The following BCORL1 variants were observed in gnomAD, a reference collection of about 807,000 sequenced individuals.
The protein encoded by BCORL1 is BCL-6 corepressor-like protein 1.
A neutral mutation model predicts 87.6 loss-of-function variants in BCORL1; 7 were observed. The observed-to-expected ratio is 0.08, with a 90% CI of 0.05 to 0.15. BCORL1 has a LOEUF of 0.15. Among genes scored for constraint, BCORL1 ranks in the 10% least tolerant of loss-of-function variants. The pLI is 1.00. For missense variants in BCORL1, 1,215 were observed against 1,499.7 expected (o/e 0.81, Z 3.13); for synonymous variants, 591 against 634.4 (o/e 0.93, Z 1.03).
intron 1 of BCORL1, among the ~76,000 whole-genome samples, chrX:129,989,442 G>A (rs1419816743): frequency 2.2e-5 from 1 of 46,043 alleles, no homozygotes; most frequent in East Asian, 6.4e-4. Flanking sequence ...CACCGCACCC[G>A]TCTTTTTTTT....
chrX:129,983,953 G>C (rs1308430855), intron 1 of BCORL1, among the ~76,000 whole-genome samples: 5 of 109,663 alleles, frequency 4.6e-5, no homozygotes, highest in African/African-American at 1.7e-4. Context: ...AGGAGGGAGA[G>C]GGATGGCCGC....
chrX:130,018,447 C>T (rs934798168), intron 4 of BCORL1, among the ~76,000 whole-genome samples: 2 of 112,233 alleles, frequency 1.8e-5, no homozygotes, highest in African/African-American at 3.2e-5. Context: ...GAATTTTACA[C>T]TTAAGTGAAT....
chrX:129,993,775 T>C (rs775520803), intron 1 of BCORL1, among the ~76,000 whole-genome samples: 48 of 112,271 alleles, frequency 4.3e-4, no homozygotes, highest in Non-Finnish European at 3.9e-4. Context: ...GTCCTTTTTT[T>C]TATTTTTTAA....
Position 130,013,141 on chromosome X carries a change from G to A in BCORL1, c.369G>A (p.Lys123=). 8.3e-7 allele frequency: 1 copy of A among 1,211,129 alleles called. No individual in the cohort carries two copies. Residue 123 remains lysine, a synonymous_variant, in exon 4 of 14, where the codon AAG becomes AAA. Transcript: ENST00000540052. ...TGAGCAGCCCAGGAGACGGGCTCAA[G>A]CTTCCCGCATCTGACAGCGCCGAGG... is the stretch of plus-strand genomic sequence containing the variant. The part of the protein sequence containing the change: ...VPLSSPGDGL[K]LPASDSAEAS...
At chrX:129,993,171 A>T (rs1160891928) in intron 1 of BCORL1, among the ~76,000 whole-genome samples, 1 of 112,123 alleles carries the variant, frequency 8.9e-6, no homozygotes, top group Non-Finnish European at 1.9e-5. Flanking sequence ...GAAAGGACTG[A>T]TTAATTTCAC....
chrX:130,050,719 C>A lies in BCORL1; in HGVS notation c.4843C>A (p.His1615Asn). 1 of 1,210,564 alleles carries A rather than the reference C, an allele frequency of 8.3e-7. No individual in the cohort carries two copies. The highest frequency in any genetic ancestry group is 1.1e-6 in the Non-Finnish European group (1 of 894,404). The change falls in exon 12 of 14, where the codon CAC (histidine) becomes AAC (asparagine). Residue 1615 changes from histidine (H) to asparagine (N), a missense_variant and splice_region_variant. By Grantham distance (68) the His-to-Asn change is moderately conservative. Coordinates refer to ENST00000540052, the MANE Select transcript of BCORL1 (RefSeq NM_001379451.1). ...SDTMKRFLSDHLSDLQGRAEG... is the reference protein window; with the variant it reads ...SDTMKRFLSDNLSDLQGRAEG... ...ACTGCCTGCTCTTCTTTCATCAGAT[C>A]ACCTCTCGGATCTTCAGGGCCGGGC...
chrX:130,052,139 G>A, intron 13 of BCORL1, 123 bp downstream of exon 13: 2 of 736,067 alleles, frequency 2.7e-6, no homozygotes, highest in South Asian at 6.8e-5. Context: ...ACAAAGGCTA[G>A]CCTGCCCTTT....
intron 8 of BCORL1, 63 bp from the exon 9 acceptor site, chrX:130,034,392 A>T: frequency 2.4e-6 from 2 of 844,128 alleles, no homozygotes; most frequent in Non-Finnish European, 3.2e-6. Flanking sequence ...GGCAGTGATG[A>T]CCCTGGTGGA....
chrX:130,032,102 A>G (rs190347278), intron 8 of BCORL1, among the ~76,000 whole-genome samples: 184 of 112,098 alleles, frequency 1.6e-3, no homozygotes, highest in African/African-American at 5.6e-3. Context: ...CTAGTTATCT[A>G]TTGGGGTATA....
intron 11 of BCORL1, among the ~76,000 whole-genome samples, chrX:130,042,470 A>C: frequency 9.0e-6 from 1 of 111,475 alleles, no homozygotes; most frequent in East Asian, 2.8e-4. Flanking sequence ...ATGGGTTGCT[A>C]TAAAGTGCAC....
Position 130,043,769 on chromosome X carries a change from TATATATATATATATA to T in BCORL1, c.4840+4488_4840+4502del, listed in dbSNP as rs1177237307. On this transcript the variant is annotated intron_variant, in intron 11 of 13. Coordinates refer to ENST00000540052, the MANE Select transcript of BCORL1 (RefSeq NM_001379451.1). ...TGTTATATATATATATATATATATA[TATATATATATATATA>T]TTTTTTTTTTTTTTTTTTTTTGAGA... Among the ~76,000 whole-genome samples, 27 of 19,636 alleles carry T rather than the reference TATATATATATATATA, an allele frequency of 1.4e-3. 3 individuals are homozygous for T. The highest frequency in any genetic ancestry group is 3.4e-3 in the East Asian group (3 of 891). The allele number at this position is 19,636 out of a possible 115,157, so 17.1% of individuals were successfully genotyped here.
chrX:130,005,416 G>A (rs1380005129), intron 2 of BCORL1, 99 bp downstream of exon 2: 1 of 778,283 alleles, frequency 1.3e-6, no homozygotes, highest in Non-Finnish European at 1.9e-6. Flanking sequence ...GAGGGACCCT[G>A]GGGAGGAGAA....
At chrX:130,010,864 G>A (rs1260021325) in intron 2 of BCORL1, among the ~76,000 whole-genome samples, 1 of 108,238 alleles carries the variant, frequency 9.2e-6, no homozygotes, top group Non-Finnish European at 1.9e-5. Context: ...CAGGCGTGGT[G>A]GAGCATGCCT....
chrX:129,999,014 T>G (rs1927783684), intron 1 of BCORL1, among the ~76,000 whole-genome samples: 1 of 110,215 alleles, frequency 9.1e-6, no homozygotes, highest in African/African-American at 3.3e-5. Flanking sequence ...ACATGTGTAT[T>G]ATATAGTAAT....
intron 1 of BCORL1, among the ~76,000 whole-genome samples, chrX:129,984,123 G>T (rs1173758577): frequency 2.0e-5 from 1 of 50,306 alleles, no homozygotes; most frequent in Non-Finnish European, 3.6e-5. Flanking sequence ...GGCGGGGCGT[G>T]GGGCTCCGGC....
intron 1 of BCORL1, among the ~76,000 whole-genome samples, chrX:130,003,374 C>CTTCT (rs59660230): frequency 0.013 from 1,196 of 91,469 alleles, 26 homozygotes; most frequent in African/African-American, 0.049. Context: ...TCTTCTTCTT[C>CTTCT]TTTTTTTTTT....
intron 1 of BCORL1, among the ~76,000 whole-genome samples, chrX:130,000,523 G>A (rs988378889): frequency 2.7e-5 from 3 of 111,938 alleles, no homozygotes; most frequent in Admixed American, 1.9e-4. Flanking sequence ...CATGACTCTC[G>A]TACAGATACA....
At chrX:130,024,478 CG>C (rs771025461) in intron 6 of BCORL1, among the ~76,000 whole-genome samples, 1 of 111,101 alleles carries the variant, frequency 9.0e-6, no homozygotes, top group Admixed American at 9.6e-5. Flanking sequence ...TCTGCTTGGC[CG>C]GGGTGGCTCT....
chrX:130,029,219 G>A (rs1930430476), intron 8 of BCORL1, among the ~76,000 whole-genome samples: 1 of 111,652 alleles, frequency 9.0e-6, no homozygotes, highest in Non-Finnish European at 1.9e-5. Context: ...GTCAATCAAG[G>A]TAGAAAACAA....
Sources: gnomAD v4.1 joint callset for allele counts (sites outside exome capture counted in the v4.1 genomes callset) on GRCh38, gnomAD v4.1.1 for gene constraint, MANE v1.5 for transcripts, NCBI Gene and HGNC (gene_info 2026-07-23, HGNC 2026-07-21) for gene names.